FBLN5: variants seen among roughly 807,000 people sequenced by gnomAD.
FBLN5 encodes fibulin 5, also known as fibulin-5.
FBLN5 carries 24 observed loss-of-function variants against 61.6 expected under a neutral mutation model. The observed-to-expected ratio is 0.39, with a 90% confidence interval of 0.28 to 0.55. The LOEUF (loss-of-function observed/expected upper bound fraction) is 0.55. Among genes scored for constraint, FBLN5 ranks in the 20% least tolerant of loss-of-function variants. The pLI, the probability that FBLN5 is intolerant of heterozygous loss-of-function variation, is 0.65. For synonymous variants in FBLN5, 213 were observed against 219.8 expected (o/e 0.97, Z 0.27); for missense variants, 470 against 594.1 (o/e 0.79, Z 2.17).
chr14:91,871,099 C>A (rs922540464), intron 10 of FBLN5, among the ~76,000 whole-genome samples: 9 of 151,846 alleles, frequency 5.9e-5, no homozygotes, highest in Non-Finnish European at 1.5e-5. Context: ...ACACCAAACT[C>A]CTACGACACA....
In FBLN5 at chr14:91,882,676, C is replaced by A. The variant is rs923507104; in HGVS notation, c.862+278G>T. 1.3e-5 allele frequency among the ~76,000 whole-genome samples: 2 copies of A among 152,238 alleles called. No individual in the cohort carries two copies. The highest frequency in any genetic ancestry group is 1.3e-4 in the Admixed American group (2 of 15,284). On this transcript the variant is annotated intron_variant, in intron 8 of 10. Coordinates refer to ENST00000342058, the MANE Select transcript of FBLN5 (RefSeq NM_006329.4). The surrounding 1 kb of genome is among the most constrained non-coding windows in gnomAD (Gnocchi z 4.9). ...AGATCTGCCTGGGGAGGCAGAAAGC[C>A]ACGCTTAGAGGCTGCCGTCTGCATC...
chr14:91,931,301 C>T (rs1269507447), intron 4 of FBLN5, among the ~76,000 whole-genome samples: 2 of 152,204 alleles, frequency 1.3e-5, no homozygotes, highest in African/African-American at 4.8e-5. Flanking sequence ...GTTTAATCTC[C>T]CTTCCTTGTC....
rs1044465 is a variant in FBLN5 at position 91,895,023 on chromosome 14, G to T, written c.429C>A (p.Ile143=). Residue 143 remains isoleucine, a synonymous_variant, in exon 5 of 11, where the codon ATC becomes ATA. Transcript: ENST00000342058. The part of the protein sequence containing the change: ...TDSHQCNPTQ[I]CINTEGGYTC... ...TGTACCCGCCTTCAGTATTGATGCA[G>T]ATCTGGGTGGGGTTGCACTGGTGGG... 6.2e-7 allele frequency: 1 copy of T among 1,614,146 alleles called. No individual in the cohort carries two copies.
intron 1 of FBLN5, among the ~76,000 whole-genome samples, chr14:91,946,432 C>A (rs546822989): frequency 2.6e-5 from 4 of 152,046 alleles, no homozygotes; most frequent in African/African-American, 4.8e-5. Flanking sequence ...CAAGGAAAGC[C>A]GGAGAGACCA....
intron 6 of FBLN5, among the ~76,000 whole-genome samples, chr14:91,888,992 G>A (rs980886733): frequency 2.6e-5 from 4 of 152,194 alleles, no homozygotes; most frequent in Admixed American, 6.5e-5. Context: ...AAGCCTTCAC[G>A]GTGAGCAGAC....
chr14:91,896,603 A>G (rs868383048), intron 4 of FBLN5, among the ~76,000 whole-genome samples: 1 of 152,138 alleles, frequency 6.6e-6, no homozygotes, highest in African/African-American at 2.4e-5. Flanking sequence ...AACTGAGTGG[A>G]AAGAGCTAGT....
rs755894963 is a variant in FBLN5, at chr14:91,881,327, G to A, written c.954C>T (p.Ile318=). 1.2e-6 allele frequency: 2 copies of A among 1,614,030 alleles called. No homozygotes were observed. Among genetic ancestry groups the A allele is most frequent in the South Asian group, 2.2e-5 (2 of 91,092 alleles). The change falls in exon 9 of 11, where the codon ATC becomes ATT. Residue 318 remains isoleucine (I), a synonymous_variant. Coordinates refer to ENST00000342058, the MANE Select transcript of FBLN5 (RefSeq NM_006329.4). Reference sequence around the variant, plus strand: ...TCCTCAGATAAGGCTCCTCACAGCGGATGGGGTCAATGCATTTGAAGCCCC... The same window carrying A: ...TCCTCAGATAAGGCTCCTCACAGCGAATGGGGTCAATGCATTTGAAGCCCC... ...LQGGFKCIDP[I]RCEEPYLRIS... is the part of the protein sequence containing the mutation.
intron 3 of FBLN5, 93 bp downstream of exon 3, chr14:91,940,472 T>C: frequency 4.8e-6 from 5 of 1,048,534 alleles, no homozygotes; most frequent in Non-Finnish European, 5.9e-6. Flanking sequence ...CCCATGGGCA[T>C]GGCTAATCAT....
intron 2 of FBLN5, chr14:91,941,910 C>G: frequency 2.9e-6 from 1 of 344,986 alleles, no homozygotes; most frequent in South Asian, 2.2e-5. Context: ...ATGTGTACAC[C>G]ATGAGGCTGC....
chr14:91,926,066 C>T (rs1007021295), intron 4 of FBLN5, among the ~76,000 whole-genome samples: 18 of 152,158 alleles, frequency 1.2e-4, no homozygotes, highest in Non-Finnish European at 5.9e-5. Flanking sequence ...AATCACTCCA[C>T]GAGAGCCTCA....
rs534548896 is a variant in FBLN5 at position 91,943,278 on chromosome 14, G to A, written c.18-317C>T. On this transcript the variant is annotated intron_variant, in intron 1 of 10. Transcript: ENST00000342058. This position sits in a 1 kb window ranked among gnomAD's most constrained non-coding sequence, Gnocchi z 4.0. ...AATCCCAGCACTTTGAGAGGCTGAGGCAAGAGGATTGCTTGAACCCAGGAG... is the reference window on the plus strand; with the variant it reads ...AATCCCAGCACTTTGAGAGGCTGAGACAAGAGGATTGCTTGAACCCAGGAG... Among the ~76,000 whole-genome samples, 3 of 152,224 alleles carry A rather than the reference G, an allele frequency of 2.0e-5. No individual in the cohort carries two copies. The highest frequency in any genetic ancestry group is 3.9e-4 in the East Asian group (2 of 5,184).
chr14:91,926,038 G>A (rs764065107), intron 4 of FBLN5, among the ~76,000 whole-genome samples: 3 of 152,088 alleles, frequency 2.0e-5, no homozygotes, highest in Admixed American at 1.3e-4. Flanking sequence ...TCTTCCTTCC[G>A]CCATTCATTC....
intron 4 of FBLN5, among the ~76,000 whole-genome samples, chr14:91,907,917 T>C (rs1460488020): frequency 6.6e-6 from 1 of 151,924 alleles, no homozygotes; most frequent in East Asian, 1.9e-4. Context: ...TTTAATAATG[T>C]CTCTGAGTTA....
intron 4 of FBLN5, among the ~76,000 whole-genome samples, chr14:91,933,125 T>C (rs2055955052): frequency 6.6e-6 from 1 of 152,218 alleles, no homozygotes; most frequent in Non-Finnish European, 1.5e-5. Context: ...CTGCAGGGAT[T>C]CTTCTGGCCA....
At chr14:91,899,779 G>A (rs1214024823) in intron 4 of FBLN5, among the ~76,000 whole-genome samples, 2 of 152,194 alleles carry the variant, frequency 1.3e-5, no homozygotes, top group South Asian at 2.1e-4. Context: ...CAAAGACAAG[G>A]GGAATAAAGG....
chr14:91,947,223 C>T lies in FBLN5; in HGVS notation c.7G>A (p.Gly3Arg), dbSNP rs1158638947. 2.5e-6 allele frequency: 4 copies of T among 1,614,090 alleles called. No individual in the cohort carries two copies. The African/African-American group carries it at 4.0e-5, about 16-fold the overall frequency. The change falls in exon 1 of 11, where the codon GGA (glycine) becomes AGA (arginine). Residue 3 changes from glycine to arginine, a missense_variant. Transcript: ENST00000342058. The surrounding 1 kb of genome is among the most constrained non-coding windows in gnomAD (Gnocchi z 4.3). ...GCGCCGAGAACCCACCTTTTTATTC[C>T]TGGCATGTCCAAGACGCGCGAGGAG... MP[G>R]IKRILTVTIL...
At chr14:91,883,420 C>T (rs1889569912) in intron 7 of FBLN5, among the ~76,000 whole-genome samples, 1 of 152,102 alleles carries the variant, frequency 6.6e-6, no homozygotes, top group Non-Finnish European at 1.5e-5. Context: ...CCGCCTCTGA[C>T]CTGCCTAAGG....
intron 4 of FBLN5, among the ~76,000 whole-genome samples, chr14:91,910,363 G>C (rs111537199): frequency 6.6e-6 from 1 of 152,140 alleles, no homozygotes; most frequent in Non-Finnish European, 1.5e-5. Context: ...TGGTTATCAC[G>C]GGCTAGAGAG....
At chr14:91,945,503 C>T (rs1011263334) in intron 1 of FBLN5, among the ~76,000 whole-genome samples, 2 of 152,190 alleles carry the variant, frequency 1.3e-5, no homozygotes, top group African/African-American at 2.4e-5. Context: ...AGAAGGTGAT[C>T]TTGAAGGCTT....
Sources: gnomAD v4.1 joint callset for allele counts (sites outside exome capture counted in the v4.1 genomes callset) on GRCh38, gnomAD v4.1.1 for gene constraint, Gnocchi (gnomAD v3.1) non-coding constraint, MANE v1.5 for transcripts, NCBI Gene and HGNC (gene_info 2026-07-23, HGNC 2026-07-21) for gene names.